Variants in RBFOX1 observed in about 807,000 individuals in gnomAD.
RBFOX1 encodes the protein RNA binding protein fox-1 homolog 1.
RBFOX1 carries 8 observed loss-of-function variants against 57.7 expected under a neutral mutation model. That is an observed-to-expected ratio of 0.14 (90% CI 0.08 to 0.25). The LOEUF is 0.25. Ranked by LOEUF, RBFOX1 falls within the 10% of genes least tolerant of loss-of-function variation. The pLI, the probability that RBFOX1 is intolerant of heterozygous loss-of-function variation, is 1.00. For synonymous variants in RBFOX1, 326 were observed against 222.4 expected, an observed-to-expected ratio of 1.47 and a Z score of -4.15; for missense variants, 611 against 548.5, an observed-to-expected ratio of 1.11 and a Z score of -1.14.
At chr16:5,882,721 CA>C (rs2057793296) in intron 4 of RBFOX1, among the ~76,000 whole-genome samples, 1 of 152,180 alleles carries the variant, frequency 6.6e-6, no homozygotes, top group Non-Finnish European at 1.5e-5. Flanking sequence ...GCAGAGGCCC[CA>C]TGTGCCAGTG....
intron 1 of RBFOX1, among the ~76,000 whole-genome samples, chr16:5,422,571 G>C: frequency 1.0e-5 from 1 of 96,092 alleles, no homozygotes; most frequent in East Asian, 3.9e-4. Context: ...AGGGGAGGAG[G>C]AGGGGGAGAG....
chr16:6,283,170 G>A (rs1326539471), intron 1 of RBFOX1, among the ~76,000 whole-genome samples: 1 of 151,978 alleles, frequency 6.6e-6, no homozygotes, highest in Non-Finnish European at 1.5e-5. Context: ...CTACAAAAAA[G>A]TGAAAAATTA....
chr16:6,963,992 C>T (rs985093070), intron 3 of RBFOX1, among the ~76,000 whole-genome samples: 2 of 151,372 alleles, frequency 1.3e-5, no homozygotes, highest in African/African-American at 4.9e-5. Flanking sequence ...GCCACTGCGC[C>T]CAGCCCCGGA....
intron 3 of RBFOX1, among the ~76,000 whole-genome samples, chr16:6,984,421 C>T (rs983617563): frequency 6.6e-6 from 1 of 152,130 alleles, no homozygotes; most frequent in Non-Finnish European, 1.5e-5. Context: ...GGGGTATCTC[C>T]AGTGAGACGA....
intron 4 of RBFOX1, among the ~76,000 whole-genome samples, chr16:7,483,984 T>C (rs547591659): frequency 6.6e-6 from 1 of 152,366 alleles, no homozygotes; most frequent in South Asian, 2.1e-4. Flanking sequence ...CCTTACGCTT[T>C]ATTTTCAGTC....
At chr16:6,838,236 T>C (rs2093246904) in intron 3 of RBFOX1, among the ~76,000 whole-genome samples, 1 of 151,906 alleles carries the variant, frequency 6.6e-6, no homozygotes, top group Non-Finnish European at 1.5e-5. Flanking sequence ...TGTCCATGTG[T>C]TATCATTGTT....
intron 3 of RBFOX1, among the ~76,000 whole-genome samples, chr16:6,873,135 A>C (rs1195417879): frequency 6.6e-6 from 1 of 152,018 alleles, no homozygotes; most frequent in Admixed American, 6.6e-5. Context: ...GCATTGGAAA[A>C]AAAAAAAAAA....
intron 3 of RBFOX1, among the ~76,000 whole-genome samples, chr16:5,736,547 G>T (rs1285123716): frequency 6.6e-6 from 1 of 152,160 alleles, no homozygotes; most frequent in Non-Finnish European, 1.5e-5. Context: ...CCTGGGCCGA[G>T]TGGGGCCCGG....
chr16:7,147,957 G>C (rs2075354933), intron 4 of RBFOX1, among the ~76,000 whole-genome samples: 1 of 152,142 alleles, frequency 6.6e-6, no homozygotes, highest in Admixed American at 6.6e-5. Context: ...CCTTCCTCAA[G>C]GAGTAATGCC....
chr16:6,811,390 G>C lies in RBFOX1; in HGVS notation c.-16+156740G>C, dbSNP rs145685459. Among the ~76,000 whole-genome samples the C allele has an allele frequency of 1.0e-3, 156 of 152,280 alleles. 1 individual carries two copies. The highest frequency in any genetic ancestry group is 3.6e-3 in the African/African-American group (149 of 41,552). On this transcript the variant is annotated intron_variant, in intron 3 of 15. Transcript: ENST00000550418. Reference sequence around the variant, plus strand: ...TTCTATTAAATGTGATTAGCTTTTAGCTAGATAACATTGAATATTTTAATG... The same window carrying C: ...TTCTATTAAATGTGATTAGCTTTTACCTAGATAACATTGAATATTTTAATG...
intron 2 of RBFOX1, among the ~76,000 whole-genome samples, chr16:6,626,079 A>T (rs978281953): frequency 3.3e-5 from 5 of 151,960 alleles, no homozygotes; most frequent in African/African-American, 1.2e-4. Flanking sequence ...CTCTGAAGTC[A>T]CACCAATATG....
chr16:6,471,134 A>ATCAACCCT (rs1486276068), intron 2 of RBFOX1, among the ~76,000 whole-genome samples: 1 of 152,176 alleles, frequency 6.6e-6, no homozygotes, highest in African/African-American at 2.4e-5. Flanking sequence ...GTCTTCAGAC[A>ATCAACCCT]TCAACCCTTT....
intron 4 of RBFOX1, among the ~76,000 whole-genome samples, chr16:7,507,009 G>A (rs1342878655): frequency 2.0e-5 from 3 of 152,040 alleles, no homozygotes; most frequent in Non-Finnish European, 4.4e-5. Flanking sequence ...CTAAAGCATC[G>A]TAAGAGTCTC....
At chr16:6,921,787 C>CG (rs1491320356) in intron 3 of RBFOX1, among the ~76,000 whole-genome samples, 1 of 98,042 alleles carries the variant, frequency 1.0e-5, no homozygotes, top group Non-Finnish European at 2.4e-5. Context: ...GTTGTATATG[C>CG]ACACACACAT....
intron 10 of RBFOX1, among the ~76,000 whole-genome samples, chr16:7,608,183 A>G (rs1040040073): frequency 6.6e-6 from 1 of 152,194 alleles, no homozygotes; most frequent in Non-Finnish European, 1.5e-5. Flanking sequence ...CCGTTGACCT[A>G]GAGCCACTCC....
At chr16:6,867,489 C>T (rs879797193) in intron 3 of RBFOX1, among the ~76,000 whole-genome samples, 12 of 152,070 alleles carry the variant, frequency 7.9e-5, no homozygotes, top group Admixed American at 7.2e-4. Context: ...GGGGCCGAGA[C>T]AGGCGGATCA....
At chr16:5,828,207 C>T (rs2056142457) in intron 3 of RBFOX1, among the ~76,000 whole-genome samples, 1 of 152,136 alleles carries the variant, frequency 6.6e-6, no homozygotes, top group African/African-American at 2.4e-5. Context: ...GCTCATCCAT[C>T]CACCCATTCA....
chr16:7,412,680 C>T (rs1480687943), intron 4 of RBFOX1, among the ~76,000 whole-genome samples: 1 of 152,192 alleles, frequency 6.6e-6, no homozygotes, highest in Non-Finnish European at 1.5e-5. Context: ...AAGGCTTTTA[C>T]CCCATGGTAA....
At chr16:6,076,358 A>G (rs2095901137) in intron 1 of RBFOX1, among the ~76,000 whole-genome samples, 1 of 151,588 alleles carries the variant, frequency 6.6e-6, no homozygotes, top group African/African-American at 2.4e-5. Context: ...ACACACACAC[A>G]CACCCCACCT....
Sources: gnomAD v4.1 joint callset for allele counts (sites outside exome capture counted in the v4.1 genomes callset) on GRCh38, gnomAD v4.1.1 for gene constraint, MANE v1.5 for transcripts, NCBI Gene and HGNC (gene_info 2026-07-23, HGNC 2026-07-21) for gene names.